LOC128092252: variants seen among roughly 807,000 people sequenced by gnomAD.
At chr15:50,650,626 C>A in the LOC128092252 span, among the ~76,000 whole-genome samples, 1 of 151,718 alleles carries the variant, frequency 6.6e-6, no homozygotes, top group Non-Finnish European at 1.5e-5. Flanking sequence ...ACCTGGGAGG[C>A]AGAGGTTGTG....
chr15:50,677,279 A>C, the LOC128092252 span, among the ~76,000 whole-genome samples: 6 of 152,128 alleles, frequency 3.9e-5, no homozygotes, highest in African/African-American at 1.4e-4. Context: ...CCCCACCCTC[A>C]TGACCTCATC....
At chr15:50,661,941 G>T in the LOC128092252 span, among the ~76,000 whole-genome samples, 1 of 152,088 alleles carries the variant, frequency 6.6e-6, no homozygotes, top group Non-Finnish European at 1.5e-5. Context: ...AAATTTGCTG[G>T]GTGCGGTGGC....
At chr15:50,680,593 A>T in the LOC128092252 span, among the ~76,000 whole-genome samples, 1 of 151,838 alleles carries the variant, frequency 6.6e-6, no homozygotes, top group South Asian at 2.1e-4. Context: ...CAAAAACCAG[A>T]CAACTGAGTT....
At chr15:50,678,113 C>T in the LOC128092252 span, among the ~76,000 whole-genome samples, 1 of 151,404 alleles carries the variant, frequency 6.6e-6, no homozygotes, top group Non-Finnish European at 1.5e-5. Flanking sequence ...TGGTGGTGGG[C>T]GCCTGTAGTC....
At chr15:50,675,905 C>T in the LOC128092252 span, among the ~76,000 whole-genome samples, 13 of 152,306 alleles carry the variant, frequency 8.5e-5, no homozygotes, top group African/African-American at 2.9e-4. Context: ...GAGTTAGGAT[C>T]CCAGCTCTGC....
At chr15:50,655,440 A>G in the LOC128092252 span, among the ~76,000 whole-genome samples, 2 of 148,950 alleles carry the variant, frequency 1.3e-5, no homozygotes, top group African/African-American at 4.9e-5. Context: ...CTCAAAGGAA[A>G]AAAAAAACAA....
the LOC128092252 span, among the ~76,000 whole-genome samples, chr15:50,666,359 G>A: frequency 1.6e-4 from 25 of 152,114 alleles, no homozygotes; most frequent in East Asian, 4.5e-3. Context: ...AGGATCATCT[G>A]AACCCAGGGA....
chr15:50,682,790 A>G, the LOC128092252 span, among the ~76,000 whole-genome samples: 1 of 152,184 alleles, frequency 6.6e-6, no homozygotes, highest in Non-Finnish European at 1.5e-5. Context: ...ACCCATCTTA[A>G]GTTCTTTTTA....
the LOC128092252 span, among the ~76,000 whole-genome samples, chr15:50,659,398 G>T: frequency 6.6e-6 from 1 of 152,128 alleles, no homozygotes; most frequent in African/African-American, 2.4e-5. Context: ...CTAAAGCACA[G>T]TACTGGAAAG....
chr15:50,677,896 C>A, the LOC128092252 span, among the ~76,000 whole-genome samples: 3 of 151,838 alleles, frequency 2.0e-5, no homozygotes, highest in East Asian at 5.8e-4. Context: ...AAGAAATTGC[C>A]TACTAATAAA....
At chr15:50,686,657 A>C in the LOC128092252 span, 10 of 1,381,648 alleles carry the variant, frequency 7.2e-6, no homozygotes, top group African/African-American at 1.0e-4. Flanking sequence ...AGGAACGCCC[A>C]GGGAAACCTT....
the LOC128092252 span, among the ~76,000 whole-genome samples, chr15:50,682,284 CA>C: frequency 6.7e-6 from 1 of 150,336 alleles, no homozygotes; most frequent in African/African-American, 2.4e-5. Context: ...ATTCCTTTAA[CA>C]GGGTTCTAAA....
At chr15:50,683,481 T>C in the LOC128092252 span, among the ~76,000 whole-genome samples, 2 of 150,456 alleles carry the variant, frequency 1.3e-5, no homozygotes, top group African/African-American at 4.9e-5. Context: ...ACGCCTGTAA[T>C]CCCAACACTT....
chr15:50,678,451 C>T, the LOC128092252 span, among the ~76,000 whole-genome samples: 5 of 148,480 alleles, frequency 3.4e-5, no homozygotes, highest in African/African-American at 1.2e-4. Context: ...TATCAGAGTT[C>T]AATACATTTG....
At chr15:50,653,660 G>A in the LOC128092252 span, among the ~76,000 whole-genome samples, 1 of 152,100 alleles carries the variant, frequency 6.6e-6, no homozygotes, top group African/African-American at 2.4e-5. Flanking sequence ...AGTAGACACT[G>A]GGCCAAGCAA....
the LOC128092252 span, chr15:50,686,513 C>T: frequency 6.2e-7 from 1 of 1,613,906 alleles, no homozygotes; most frequent in Non-Finnish European, 8.5e-7. Flanking sequence ...CCCGCCCGGG[C>T]CTGCGTGGGT....
At chr15:50,657,417 T>C in the LOC128092252 span, among the ~76,000 whole-genome samples, 16 of 152,340 alleles carry the variant, frequency 1.1e-4, no homozygotes, top group Admixed American at 9.8e-4. Context: ...AAAAGCCTTG[T>C]AGAGTAACTG....
chr15:50,673,205 TC>T, the LOC128092252 span, among the ~76,000 whole-genome samples: 1 of 152,138 alleles, frequency 6.6e-6, no homozygotes, highest in Non-Finnish European at 1.5e-5. Flanking sequence ...CAGAACAACT[TC>T]CAGGTCCACA....
chr15:50,650,910 C>G, the LOC128092252 span, among the ~76,000 whole-genome samples: 2 of 152,126 alleles, frequency 1.3e-5, no homozygotes, highest in Non-Finnish European at 2.9e-5. Context: ...AGACATTGGC[C>G]GGGCGTGGTA....
Sources: allele counts gnomAD v4.1 joint callset (sites outside exome capture counted in the v4.1 genomes callset), GRCh38; gene constraint gnomAD v4.1.1; transcripts MANE v1.5.